The following DTNB variants were observed in gnomAD, a reference collection of about 807,000 sequenced individuals.
DTNB encodes the protein dystrobrevin beta.
A neutral mutation model predicts 90.7 loss-of-function variants in DTNB; 63 were observed. That is an observed-to-expected ratio of 0.69 (90% CI 0.57 to 0.86). DTNB has a LOEUF of 0.86. Among genes scored for constraint, DTNB ranks in the 40% least tolerant of loss-of-function variants. The pLI is 0.00. For missense variants in DTNB, 744 were observed against 807.1 expected (o/e 0.92, Z 0.95); for synonymous variants, 277 against 286.7 (o/e 0.97, Z 0.34).
chr2:25,493,500 C>T (rs1277312109), intron 9 of DTNB, among the ~76,000 whole-genome samples: 1 of 152,190 alleles, frequency 6.6e-6, no homozygotes, highest in Non-Finnish European at 1.5e-5. Flanking sequence ...TCCCATCTCT[C>T]TCCATCAAGT....
chr2:25,505,181 G>A (rs2072060378), intron 9 of DTNB, among the ~76,000 whole-genome samples: 1 of 152,088 alleles, frequency 6.6e-6, no homozygotes, highest in Non-Finnish European at 1.5e-5. Flanking sequence ...ACTGCTATGA[G>A]CTCACTCCAC....
At chr2:25,580,140 C>T (rs2061349797) in intron 7 of DTNB, among the ~76,000 whole-genome samples, 1 of 151,778 alleles carries the variant, frequency 6.6e-6, no homozygotes, top group South Asian at 2.1e-4. Context: ...CACAACCACG[C>T]CCAGCTAATT....
intron 1 of DTNB, among the ~76,000 whole-genome samples, chr2:25,668,335 G>C (rs1420539778): frequency 6.6e-6 from 1 of 152,210 alleles, no homozygotes; most frequent in Admixed American, 6.5e-5. Context: ...AAGCCAATCT[G>C]AGTAGGCTCC....
intron 3 of DTNB, among the ~76,000 whole-genome samples, chr2:25,634,429 A>T (rs1213385726): frequency 1.4e-5 from 2 of 142,414 alleles, no homozygotes; most frequent in Non-Finnish European, 3.1e-5. Context: ...TCCGGGAGGG[A>T]GGTGGGGGGG....
At chr2:25,451,758 G>A in intron 11 of DTNB, 123 bp from the exon 12 acceptor site, 1 of 936,274 alleles carries the variant, frequency 1.1e-6, no homozygotes, top group South Asian at 2.8e-5. Context: ...CTAGAGGCCT[G>A]GGTCATAGAT....
At chr2:25,557,337 A>C (rs2057533351) in intron 8 of DTNB, among the ~76,000 whole-genome samples, 1 of 152,146 alleles carries the variant, frequency 6.6e-6, no homozygotes, top group Non-Finnish European at 1.5e-5. Flanking sequence ...AATGAATACC[A>C]GGACAGAAAG....
At chr2:25,509,746 CTTTTTTTTT>C (rs36101268) in intron 9 of DTNB, among the ~76,000 whole-genome samples, 9 of 83,724 alleles carry the variant, frequency 1.1e-4, no homozygotes, top group African/African-American at 4.4e-4. Context: ...CTTTTAGATT[CTTTTTTTTT>C]TTTTTTTTTT....
At chr2:25,467,218 C>A (rs2061945742) in intron 10 of DTNB, among the ~76,000 whole-genome samples, 2 of 152,078 alleles carry the variant, frequency 1.3e-5, no homozygotes, top group Non-Finnish European at 2.9e-5. Context: ...ACATTTGTAC[C>A]TTTGACTACT....
At chr2:25,466,889 A>C (rs141340172) in intron 10 of DTNB, among the ~76,000 whole-genome samples, 112 of 152,354 alleles carry the variant, frequency 7.4e-4, no homozygotes, top group African/African-American at 2.5e-3. Flanking sequence ...CATGTTTCAA[A>C]GTGTTAGACC....
chr2:25,528,788 T>A (rs543636822), intron 9 of DTNB, among the ~76,000 whole-genome samples: 6 of 152,236 alleles, frequency 3.9e-5, no homozygotes, highest in Admixed American at 6.5e-5. Context: ...ACACTACTGA[T>A]ACTTTTTGTA....
At chr2:25,449,253 TG>T (rs1331507356) in intron 12 of DTNB, among the ~76,000 whole-genome samples, 3 of 152,242 alleles carry the variant, frequency 2.0e-5, no homozygotes, top group Non-Finnish European at 4.4e-5. Context: ...GATAACTACG[TG>T]GGCTATTCCA....
rs2040101586 is a variant in DTNB, at chr2:25,388,301, T to C, written c.1636A>G (p.Met546Val). ...PTHGGGRPMP[M>V]PVRSTSAGST... ...CCGGCAGACGTGGAGCGCACTGGCA[T>C]GGGCATTGGCCGGCCGCCTCCATGG... Residue 546 changes from methionine to valine, a missense_variant, in exon 17 of 21, where the codon ATG (methionine) becomes GTG (valine). Met to Val is a conservative substitution (Grantham distance 21). Transcript: ENST00000406818. 1.2e-6 allele frequency: 2 copies of C among 1,613,544 alleles called. No individual in the cohort carries two copies. Among genetic ancestry groups the C allele is most frequent in the Non-Finnish European group, 8.5e-7 (1 of 1,179,684 alleles).
chr2:25,647,434 T>A (rs567105708), intron 2 of DTNB, among the ~76,000 whole-genome samples: 2 of 152,336 alleles, frequency 1.3e-5, no homozygotes, highest in Admixed American at 1.3e-4. Context: ...ATCATACACA[T>A]TATTTTCAAG....
At chr2:25,575,025 T>C (rs1011033304) in intron 8 of DTNB, among the ~76,000 whole-genome samples, 4 of 152,078 alleles carry the variant, frequency 2.6e-5, no homozygotes, top group Non-Finnish European at 5.9e-5. Flanking sequence ...CAGTCACTTG[T>C]CTCTAAACAA....
chr2:25,659,356 C>G (rs772161035), intron 1 of DTNB, among the ~76,000 whole-genome samples: 1 of 152,068 alleles, frequency 6.6e-6, no homozygotes, highest in Non-Finnish European at 1.5e-5. Flanking sequence ...ATAAAACAAA[C>G]AGTAACAAAT....
rs2040077527 is a variant in DTNB at position 25,388,242 on chromosome 2, C to G, written c.1695G>C (p.Leu565=). 6.2e-7 allele frequency: 1 copy of G among 1,603,232 alleles called. No individual in the cohort carries two copies. The highest frequency in any genetic ancestry group is 8.5e-7 in the Non-Finnish European group (1 of 1,175,336). The change falls in exon 17 of 21, where the codon CTG becomes CTC. Residue 565 remains leucine, a synonymous_variant. Coordinates refer to ENST00000406818, the MANE Select transcript of DTNB (RefSeq NM_021907.5). The stretch of plus-strand genomic sequence containing the variant: ...CCTGCACGTCTCCCCCGACTCCGCT[C>G]AGCGAGTCCTGCGGACAGTGGGTGG... ...STPTHCPQDS[L]SGVGGDVQEA...
At chr2:25,528,256 A>G (rs1240370544) in intron 9 of DTNB, among the ~76,000 whole-genome samples, 1 of 152,236 alleles carries the variant, frequency 6.6e-6, no homozygotes, top group East Asian at 1.9e-4. Context: ...CTAGAAATAA[A>G]AGGGAACCTC....
chr2:25,651,254 A>T (rs2080877289), intron 2 of DTNB, among the ~76,000 whole-genome samples: 1 of 152,252 alleles, frequency 6.6e-6, no homozygotes, highest in African/African-American at 2.4e-5. Flanking sequence ...AGTCAATGCC[A>T]TTCCTGCTTT....
chr2:25,554,702 T>C (rs770165682), intron 8 of DTNB, among the ~76,000 whole-genome samples: 25 of 152,138 alleles, frequency 1.6e-4, no homozygotes, highest in Non-Finnish European at 3.4e-4. Context: ...GTGGATTCTA[T>C]ATGGCACTGA....
Sources: gnomAD v4.1 joint callset for allele counts (sites outside exome capture counted in the v4.1 genomes callset) on GRCh38, gnomAD v4.1.1 for gene constraint, MANE v1.5 for transcripts, NCBI Gene and HGNC (gene_info 2026-07-23, HGNC 2026-07-21) for gene names.